The following ANKS1B variants were observed in gnomAD, a reference collection of about 807,000 sequenced individuals.
ANKS1B encodes the protein ankyrin repeat and sterile alpha motif domain containing 1B.
ANKS1B carries 36 observed loss-of-function variants against 148.3 expected under a neutral mutation model. The ratio of observed to expected loss-of-function variants is 0.24; its 90% CI spans 0.19 to 0.32. The LOEUF is 0.32. Among genes scored for constraint, ANKS1B ranks in the 10% least tolerant of loss-of-function variants. The pLI is 1.00. For missense variants in ANKS1B, 1,157 were observed against 1,542.6 expected (o/e 0.75, Z 4.19); for synonymous variants, 542 against 560.8 (o/e 0.97, Z 0.47).
intron 1 of ANKS1B, among the ~76,000 whole-genome samples, chr12:99,921,050 T>C (rs760488597): frequency 3.3e-5 from 5 of 152,218 alleles, no homozygotes; most frequent in Non-Finnish European, 7.4e-5. Context: ...TGAAACTAGC[T>C]TGATAAGTCT....
intron 17 of ANKS1B, among the ~76,000 whole-genome samples, chr12:98,856,363 AC>A (rs990270687): frequency 1.3e-5 from 2 of 152,184 alleles, no homozygotes; most frequent in Admixed American, 1.3e-4. Flanking sequence ...TTTGAGGCAG[AC>A]CTAGGTTTGA....
chr12:99,802,068 G>A (rs963821162), intron 4 of ANKS1B, among the ~76,000 whole-genome samples: 8 of 152,140 alleles, frequency 5.3e-5, no homozygotes, highest in East Asian at 1.9e-4. Flanking sequence ...GATAATTATC[G>A]CCTATGTACA....
intron 12 of ANKS1B, among the ~76,000 whole-genome samples, chr12:99,322,850 G>C (rs868330113): frequency 1.3e-5 from 2 of 152,196 alleles, no homozygotes; most frequent in Non-Finnish European, 2.9e-5. Context: ...CGTTCTCACG[G>C]TAGTGAGTAA....
intron 9 of ANKS1B, among the ~76,000 whole-genome samples, chr12:99,645,011 C>A (rs940844567): frequency 5.9e-5 from 9 of 152,312 alleles, no homozygotes; most frequent in South Asian, 4.1e-4. Flanking sequence ...AGATAACACC[C>A]CCAATTCAGA....
At chr12:99,961,655 C>T (rs1014506309) in intron 1 of ANKS1B, among the ~76,000 whole-genome samples, 7 of 152,296 alleles carry the variant, frequency 4.6e-5, no homozygotes, top group African/African-American at 1.4e-4. Flanking sequence ...ATATATTAAA[C>T]ATGGATCTTG....
chr12:98,752,496 A>G (rs919741284), intron 25 of ANKS1B, among the ~76,000 whole-genome samples: 10 of 152,014 alleles, frequency 6.6e-5, no homozygotes, highest in African/African-American at 2.4e-4. Context: ...TGACCTCATG[A>G]TCCACCCGCC....
rs201325744 is a variant in ANKS1B, at chr12:98,937,302, C to CT, written c.2779-105167dup. Among the ~76,000 whole-genome samples the CT allele has an allele frequency of 6.6e-5, 10 of 151,184 alleles. No homozygotes were observed. The East Asian group carries it at 1.2e-3, about 18-fold the overall frequency. ...CACAAACATATATTGGAGATATGTGCTTTTTTTTTAATTAATAGGGGTAGG... is the reference window on the plus strand; with the variant it reads ...CACAAACATATATTGGAGATATGTGCTTTTTTTTTTAATTAATAGGGGTAGG... On this transcript the variant is annotated intron_variant, in intron 17 of 26. Transcript: ENST00000683438.
intron 1 of ANKS1B, among the ~76,000 whole-genome samples, chr12:99,831,262 T>G (rs779350142): frequency 1.8e-4 from 27 of 151,510 alleles, no homozygotes; most frequent in South Asian, 2.1e-4. Context: ...CATACCATTA[T>G]ATATTTCTTT....
At chr12:99,696,715 T>A (rs1198770564) in intron 8 of ANKS1B, among the ~76,000 whole-genome samples, 2 of 152,138 alleles carry the variant, frequency 1.3e-5, no homozygotes, top group African/African-American at 4.8e-5. Flanking sequence ...AAATAAAAAT[T>A]GATAAATTAG....
intron 14 of ANKS1B, among the ~76,000 whole-genome samples, chr12:99,243,073 C>T (rs1475633372): frequency 6.6e-6 from 1 of 151,546 alleles, no homozygotes; most frequent in Non-Finnish European, 1.5e-5. Flanking sequence ...AGATTCCACA[C>T]AGCAAAAGAA....
chr12:99,372,475 A>C (rs186605343), intron 12 of ANKS1B, among the ~76,000 whole-genome samples: 34 of 152,256 alleles, frequency 2.2e-4, no homozygotes, highest in Admixed American at 1.1e-3. Context: ...ATTTCAGGGA[A>C]GAATAAGATG....
Position 98,744,625 on chromosome 12 carries a change from G to A in ANKS1B, c.*1114C>T. 4 of 812,874 alleles carry A rather than the reference G, an allele frequency of 4.9e-6. No individual in the cohort carries two copies. Among genetic ancestry groups the A allele is most frequent in the South Asian group, 5.7e-5 (1 of 17,544 alleles). 50.4% of individuals were successfully genotyped at this position (812,874 alleles called of 1,614,324 possible). A position where few individuals can be genotyped will look rare whatever the true frequency, so the allele number is the denominator to read the frequency against. On this transcript the variant is annotated 3_prime_UTR_variant, in exon 27 of 27. Transcript: ENST00000683438. Reference sequence around the variant, plus strand: ...TAAATTTTATTTAATCAAATAGTAAGCAAACTTTTTTTTTGTTTGTCTCAA... The same window carrying A: ...TAAATTTTATTTAATCAAATAGTAAACAAACTTTTTTTTTGTTTGTCTCAA...
intron 8 of ANKS1B, among the ~76,000 whole-genome samples, chr12:99,688,501 C>A (rs2098661771): frequency 6.6e-6 from 1 of 152,138 alleles, no homozygotes; most frequent in East Asian, 1.9e-4. Context: ...ATAACAAATG[C>A]CTCTTGATGA....
chr12:99,649,518 C>A, intron 9 of ANKS1B: 1 of 742,576 alleles, frequency 1.3e-6, no homozygotes, highest in Non-Finnish European at 2.3e-6. Flanking sequence ...CAGTAAGCAC[C>A]ACCACAGGTA....
At chr12:99,777,250 T>A (rs2063745038) in intron 6 of ANKS1B, among the ~76,000 whole-genome samples, 1 of 152,224 alleles carries the variant, frequency 6.6e-6, no homozygotes, top group South Asian at 2.1e-4. Context: ...TATGTCCTCA[T>A]ACCATTCAAA....
chr12:99,318,637 A>AT (rs1167897726), intron 12 of ANKS1B, among the ~76,000 whole-genome samples: 44 of 152,018 alleles, frequency 2.9e-4, no homozygotes, highest in African/African-American at 8.9e-4. Context: ...GGATTCATTG[A>AT]TTTTTTGAAG....
intron 10 of ANKS1B, among the ~76,000 whole-genome samples, chr12:99,445,875 C>T (rs915325731): frequency 1.3e-5 from 2 of 151,856 alleles, no homozygotes; most frequent in African/African-American, 4.8e-5. Context: ...GTGCACATTA[C>T]CACATCTGGC....
chr12:99,358,730 C>T (rs1441175946), intron 12 of ANKS1B, among the ~76,000 whole-genome samples: 7 of 152,052 alleles, frequency 4.6e-5, no homozygotes, highest in African/African-American at 1.7e-4. Flanking sequence ...TACTCCATCA[C>T]ACATCATCCA....
intron 1 of ANKS1B, among the ~76,000 whole-genome samples, chr12:99,976,162 T>A (rs570693701): frequency 9.6e-4 from 146 of 152,164 alleles, no homozygotes; most frequent in Non-Finnish European, 1.7e-3. Flanking sequence ...TATGTGGACA[T>A]AAATAAGGGA....
Sources: allele counts gnomAD v4.1 joint callset (sites outside exome capture counted in the v4.1 genomes callset), GRCh38; gene constraint gnomAD v4.1.1; transcripts MANE v1.5; gene names NCBI Gene and HGNC (gene_info 2026-07-23, HGNC 2026-07-21).